Variants in TMPRSS11D observed in about 807,000 individuals in gnomAD.
TMPRSS11D encodes the protein transmembrane protease serine 11D.
In TMPRSS11D, 32 loss-of-function variants were observed where a neutral mutation model predicts 44.4. The observed-to-expected ratio is 0.72, with a 90% confidence interval of 0.54 to 0.97. The LOEUF is 0.97. TMPRSS11D is among the 50% of genes least tolerant of loss of function. The pLI, the probability that TMPRSS11D is intolerant of heterozygous loss-of-function variation, is 0.00. For missense variants in TMPRSS11D, 446 were observed against 502.6 expected, an observed-to-expected ratio of 0.89 and a Z score of 1.08; for synonymous variants, 179 against 177.9, an observed-to-expected ratio of 1.01 and a Z score of -0.05.
chr4:67,831,468 TG>T (rs1185797402), intron 7 of TMPRSS11D, among the ~76,000 whole-genome samples: 2 of 152,080 alleles, frequency 1.3e-5, no homozygotes, highest in African/African-American at 4.8e-5. Flanking sequence ...TGGATTCCTT[TG>T]GTAATCGTTG....
chr4:67,877,947 A>T (rs1017727572), intron 1 of TMPRSS11D, among the ~76,000 whole-genome samples: 3 of 152,234 alleles, frequency 2.0e-5, no homozygotes, highest in African/African-American at 7.2e-5. Flanking sequence ...ATCATGGCAC[A>T]TGTATACCTA....
Position 67,821,238 on chromosome 4 carries a change from TG to T in TMPRSS11D, c.*1098del, listed in dbSNP as rs1405422111. The stretch of plus-strand genomic sequence containing the variant: ...ATTTAATTTACATTATATTCTTTGG[TG>T]GGGGAGGCATGTGTATGAGAAGGGG... On this transcript the variant is annotated 3_prime_UTR_variant, in exon 10 of 10. Transcript: ENST00000283916. The T allele has an allele frequency of 6.6e-6, 1 of 152,004 alleles. No homozygotes were observed. The highest frequency in any genetic ancestry group is 1.5e-5 in the Non-Finnish European group (1 of 67,994). 9.4% of individuals were successfully genotyped at this position (152,004 alleles called of 1,614,324 possible). A position where few individuals can be genotyped will look rare whatever the true frequency, so the allele number is the denominator to read the frequency against.
At position 67,883,992 on chromosome 4, in the gene TMPRSS11D, CT is replaced by C; in HGVS notation, c.-60del. The C allele has an allele frequency of 6.6e-7, 1 of 1,519,506 alleles. No individual in the cohort carries two copies. The highest frequency in any genetic ancestry group is 1.2e-5 in the South Asian group (1 of 84,776). 94.1% of individuals were successfully genotyped at this position (1,519,506 alleles called of 1,614,324 possible). On this transcript the variant is annotated 5_prime_UTR_variant, in exon 1 of 10. Transcript: ENST00000283916. Reference sequence around the variant, plus strand: ...CTACTCAACTGCTTTGAGATTCCCACTCAAATGAATGACTCTCATGTATTAC... The same window carrying C: ...CTACTCAACTGCTTTGAGATTCCCACCAAATGAATGACTCTCATGTATTAC...
Position 67,829,893 on chromosome 4 carries a change from CT to C in TMPRSS11D, c.693-2374del, listed in dbSNP as rs1419786052. Among the ~76,000 whole-genome samples, 4 of 151,988 alleles carry C rather than the reference CT, an allele frequency of 2.6e-5. No individual in the cohort carries two copies. The East Asian group carries it at 5.8e-4, about 22-fold the overall frequency. On this transcript the variant is annotated intron_variant, in intron 7 of 9. Coordinates refer to ENST00000283916, the MANE Select transcript of TMPRSS11D (RefSeq NM_004262.3). ...GTTGATGTGGAGGGAAATGGGGCCT[CT>C]TTTGCAATACTGGTAAAGATTTAAG... is the stretch of plus-strand genomic sequence containing the variant.
chr4:67,822,800 A>G (rs529739002), intron 9 of TMPRSS11D, among the ~76,000 whole-genome samples: 1 of 152,078 alleles, frequency 6.6e-6, no homozygotes, highest in East Asian at 1.9e-4. Flanking sequence ...TCTCTGATCA[A>G]CCTTTTTCCT....
At chr4:67,881,582 A>G (rs1215846235) in intron 1 of TMPRSS11D, among the ~76,000 whole-genome samples, 1 of 152,136 alleles carries the variant, frequency 6.6e-6, no homozygotes, top group African/African-American at 2.4e-5. Context: ...TTGCCTAATG[A>G]TTTACAATTT....
chr4:67,859,072 A>G (rs1007508378), intron 2 of TMPRSS11D, among the ~76,000 whole-genome samples: 1 of 152,150 alleles, frequency 6.6e-6, no homozygotes, highest in Non-Finnish European at 1.5e-5. Context: ...GGCTTGTAAG[A>G]CACTGTTTTC....
At chr4:67,860,127 A>G (rs1718761201) in intron 1 of TMPRSS11D, among the ~76,000 whole-genome samples, 1 of 152,186 alleles carries the variant, frequency 6.6e-6, no homozygotes, top group Non-Finnish European at 1.5e-5. Context: ...AGGAAGATAA[A>G]GAAGCAGGGG....
intron 8 of TMPRSS11D, among the ~76,000 whole-genome samples, chr4:67,826,749 A>G (rs1378335497): frequency 7.2e-6 from 1 of 139,344 alleles, no homozygotes; most frequent in Non-Finnish European, 1.6e-5. Flanking sequence ...CAGAGCAAGA[A>G]CCTGTCTGTA....
At chr4:67,874,849 T>A (rs1455898156) in intron 1 of TMPRSS11D, among the ~76,000 whole-genome samples, 2 of 152,144 alleles carry the variant, frequency 1.3e-5, no homozygotes. Flanking sequence ...AATCAGAGCC[T>A]CATTTGTATT....
At chr4:67,879,208 G>T (rs895134876) in intron 1 of TMPRSS11D, among the ~76,000 whole-genome samples, 7 of 151,852 alleles carry the variant, frequency 4.6e-5, no homozygotes, top group Non-Finnish European at 8.8e-5. Flanking sequence ...AAGGCTGGGC[G>T]CAGTGGCTCA....
Position 67,822,020 on chromosome 4 carries a change from A to C in TMPRSS11D, c.*317T>G. ...AGACCTGTGCAGGTTCCTCTACTAT[A>C]CATGCTCAAGGTTCCTGTTCTTCTC... On this transcript the variant is annotated 3_prime_UTR_variant, in exon 10 of 10. Coordinates refer to ENST00000283916, the MANE Select transcript of TMPRSS11D (RefSeq NM_004262.3). 4.4e-6 allele frequency: 1 copy of C among 227,338 alleles called. No homozygotes were observed. Among genetic ancestry groups the C allele is most frequent in the Non-Finnish European group, 8.8e-6 (1 of 113,378 alleles). The allele number at this position is 227,338 out of a possible 1,614,324, so 14.1% of individuals were successfully genotyped here.
intron 7 of TMPRSS11D, among the ~76,000 whole-genome samples, chr4:67,832,258 A>T (rs952449413): frequency 7.2e-5 from 11 of 152,066 alleles, no homozygotes; most frequent in Admixed American, 7.2e-4. Context: ...GTCTGAGAAG[A>T]AAATTGATAT....
intron 3 of TMPRSS11D, 98 bp downstream of exon 3, chr4:67,853,970 T>C (rs1294456257): frequency 7.2e-6 from 5 of 696,788 alleles, no homozygotes; most frequent in Non-Finnish European, 4.6e-6. Flanking sequence ...GGAAAATATG[T>C]AGAGCACTTA....
intron 1 of TMPRSS11D, among the ~76,000 whole-genome samples, chr4:67,871,562 T>C (rs980445373): frequency 2.0e-5 from 3 of 152,214 alleles, no homozygotes; most frequent in Non-Finnish European, 4.4e-5. Flanking sequence ...TGATTATTAA[T>C]AGATGTCTGA....
chr4:67,859,907 G>GGAA (rs565578563), intron 1 of TMPRSS11D, among the ~76,000 whole-genome samples: 104 of 152,034 alleles, frequency 6.8e-4, no homozygotes, highest in Non-Finnish European at 1.2e-3. Flanking sequence ...GTAGTCTGAT[G>GGAA]GAAGAAGAGG....
At chr4:67,880,550 C>G (rs1719297479) in intron 1 of TMPRSS11D, among the ~76,000 whole-genome samples, 1 of 152,026 alleles carries the variant, frequency 6.6e-6, no homozygotes, top group Non-Finnish European at 1.5e-5. Flanking sequence ...AGGTAGATAT[C>G]TTGGCTAAGA....
At chr4:67,833,405 G>C (rs1717996447) in intron 6 of TMPRSS11D, 24 bp from the exon 7 acceptor site, 1 of 1,422,586 alleles carries the variant, frequency 7.0e-7, no homozygotes, top group Non-Finnish European at 9.3e-7. Context: ...GCATTAATGT[G>C]CTGGGAAGAT....
intron 1 of TMPRSS11D, among the ~76,000 whole-genome samples, chr4:67,882,510 G>A (rs1231439678): frequency 6.6e-6 from 1 of 152,040 alleles, no homozygotes; most frequent in Non-Finnish European, 1.5e-5. Context: ...TTGATTCAAA[G>A]CCTTCTGAAA....
Sources: allele counts gnomAD v4.1 joint callset (sites outside exome capture counted in the v4.1 genomes callset), GRCh38; gene constraint gnomAD v4.1.1; transcripts MANE v1.5; gene names NCBI Gene and HGNC (gene_info 2026-07-23, HGNC 2026-07-21).